GALNT13: variants seen among roughly 807,000 people sequenced by gnomAD.
The protein encoded by GALNT13 is polypeptide N-acetylgalactosaminyltransferase 13.
GALNT13 carries 28 observed loss-of-function variants against 64.2 expected under a neutral mutation model. The ratio of observed to expected loss-of-function variants is 0.44; its 90% confidence interval spans 0.32 to 0.60. The LOEUF (loss-of-function observed/expected upper bound fraction) is 0.60, where lower values mean the gene tolerates loss of function less well. Ranked by LOEUF, GALNT13 falls within the 20% of genes least tolerant of loss-of-function variation. The pLI is 0.05. For synonymous variants in GALNT13, 214 were observed against 224.6 expected (o/e 0.95, Z 0.42); for missense variants, 577 against 669.8 (o/e 0.86, Z 1.53).
chr2:153,588,506 G>T, the GALNT13 span, among the ~76,000 whole-genome samples: 84 of 152,302 alleles, frequency 5.5e-4, no homozygotes, highest in African/African-American at 2.0e-3. Context: ...TGCATCCTCT[G>T]AAGCCATGGC....
intron 3 of GALNT13, among the ~76,000 whole-genome samples, chr2:154,103,942 TCA>T (rs1162235621): frequency 2.0e-5 from 3 of 152,098 alleles, no homozygotes; most frequent in Admixed American, 6.6e-5. Context: ...GGTCTCCAGT[TCA>T]GTTGTAGGCA....
the GALNT13 span, among the ~76,000 whole-genome samples, chr2:153,368,002 A>C: frequency 0.21 from 31,551 of 152,024 alleles, 3,563 homozygotes; most frequent in African/African-American, 0.29. Context: ...ACACCAGTTA[A>C]AGCGTAAAGA....
the GALNT13 span, among the ~76,000 whole-genome samples, chr2:153,093,278 G>A: frequency 1.6e-5 from 2 of 122,422 alleles, no homozygotes; most frequent in East Asian, 4.6e-4. Flanking sequence ...TTGCTCTGTT[G>A]CCCAGGCTGG....
chr2:153,406,646 G>T, the GALNT13 span, among the ~76,000 whole-genome samples: 4 of 152,124 alleles, frequency 2.6e-5, no homozygotes, highest in Non-Finnish European at 5.9e-5. Flanking sequence ...GGCCTCAAGT[G>T]TTCTGCCTGC....
intron 2 of GALNT13, among the ~76,000 whole-genome samples, chr2:153,941,333 C>T (rs532064744): frequency 1.3e-5 from 2 of 152,258 alleles, no homozygotes; most frequent in African/African-American, 4.8e-5. Flanking sequence ...AAATATGGTA[C>T]ACATTTTCAA....
At chr2:153,219,682 A>T in the GALNT13 span, among the ~76,000 whole-genome samples, 3 of 152,238 alleles carry the variant, frequency 2.0e-5, no homozygotes, top group African/African-American at 7.2e-5. Flanking sequence ...AGAACTGGTA[A>T]AAATTTATGA....
chr2:153,771,831 G>C, the GALNT13 span, among the ~76,000 whole-genome samples: 1 of 152,138 alleles, frequency 6.6e-6, no homozygotes, highest in Non-Finnish European at 1.5e-5. Context: ...GAATATGCCT[G>C]GGTGTGAGGT....
At chr2:153,516,763 A>G in the GALNT13 span, among the ~76,000 whole-genome samples, 1 of 152,136 alleles carries the variant, frequency 6.6e-6, no homozygotes, top group Non-Finnish European at 1.5e-5. Context: ...GAAATAATTA[A>G]GCATGAATTC....
At chr2:153,072,575 A>G in the GALNT13 span, among the ~76,000 whole-genome samples, 6 of 152,120 alleles carry the variant, frequency 3.9e-5, no homozygotes, top group African/African-American at 1.4e-4. Flanking sequence ...CATCTCTTAC[A>G]TGATATTTAG....
At chr2:153,916,288 C>A (rs1303828147) in intron 2 of GALNT13, among the ~76,000 whole-genome samples, 1 of 151,754 alleles carries the variant, frequency 6.6e-6, no homozygotes, top group Non-Finnish European at 1.5e-5. Flanking sequence ...TCCTGAGTAT[C>A]CGGGATGATT....
chr2:153,103,186 G>C, the GALNT13 span, among the ~76,000 whole-genome samples: 10 of 152,068 alleles, frequency 6.6e-5, no homozygotes, highest in African/African-American at 2.4e-4. Context: ...GTTTTACCAT[G>C]GCCTGAAACA....
chr2:153,907,500 G>C (rs2166154), intron 2 of GALNT13, among the ~76,000 whole-genome samples: 107,529 of 151,644 alleles, frequency 0.71, 38,413 homozygotes, highest in East Asian at 0.9. Flanking sequence ...TTTTGTCACT[G>C]GAATACTAAG....
At chr2:154,237,583 A>G (rs1329585183) in intron 4 of GALNT13, among the ~76,000 whole-genome samples, 2 of 148,508 alleles carry the variant, frequency 1.3e-5, no homozygotes, top group African/African-American at 4.9e-5. Flanking sequence ...AATATATAGT[A>G]TAACATATAG....
At chr2:153,823,936 C>A in the GALNT13 span, among the ~76,000 whole-genome samples, 1 of 151,966 alleles carries the variant, frequency 6.6e-6, no homozygotes, top group East Asian at 1.9e-4. Context: ...ACCAAATAAC[C>A]CCATTAAAAT....
chr2:153,265,952 A>C, the GALNT13 span, among the ~76,000 whole-genome samples: 1 of 152,250 alleles, frequency 6.6e-6, no homozygotes, highest in Non-Finnish European at 1.5e-5. Context: ...AAAAAGCATC[A>C]CATACCCTCA....
At chr2:153,478,742 G>T in the GALNT13 span, 2 of 605,782 alleles carry the variant, frequency 3.3e-6, no homozygotes, top group Admixed American at 6.3e-5. Context: ...TCTCCGACGC[G>T]CGCAGCAGCT....
chr2:153,559,895 GA>G, the GALNT13 span, among the ~76,000 whole-genome samples: 16 of 152,044 alleles, frequency 1.1e-4, no homozygotes, highest in African/African-American at 3.4e-4. Context: ...TTGTTTTAAA[GA>G]TAACAAGTTA....
the GALNT13 span, among the ~76,000 whole-genome samples, chr2:153,375,699 A>C: frequency 6.6e-6 from 1 of 152,186 alleles, no homozygotes; most frequent in Non-Finnish European, 1.5e-5. Context: ...AGAACATAGA[A>C]GAGGCATTCA....
chr2:153,377,588 G>C, the GALNT13 span, among the ~76,000 whole-genome samples: 2 of 152,052 alleles, frequency 1.3e-5, no homozygotes, highest in Non-Finnish European at 2.9e-5. Flanking sequence ...TGCACACCTC[G>C]GCTTGCCTTT....
Sources: gnomAD v4.1 joint callset for allele counts (sites outside exome capture counted in the v4.1 genomes callset) on GRCh38, gnomAD v4.1.1 for gene constraint, MANE v1.5 for transcripts, NCBI Gene and HGNC (gene_info 2026-07-23, HGNC 2026-07-21) for gene names.